The following TEC variants were observed in gnomAD, a reference collection of about 807,000 sequenced individuals.
TEC encodes the protein tec protein tyrosine kinase.
A neutral mutation model predicts 93.0 loss-of-function variants in TEC; 72 were observed. That is an observed-to-expected ratio of 0.77 (90% CI 0.64 to 0.94). TEC has a LOEUF of 0.94. Among genes scored for constraint, TEC ranks in the 40% least tolerant of loss-of-function variants. TEC has a pLI of 0.00. For synonymous variants in TEC, 249 were observed against 247.7 expected (o/e 1.01, Z -0.05); for missense variants, 630 against 757.9 (o/e 0.83, Z 1.98).
At chr4:48,152,085 A>C (rs184515764) in intron 9 of TEC, among the ~76,000 whole-genome samples, 210 of 152,310 alleles carry the variant, frequency 1.4e-3, no homozygotes, top group African/African-American at 4.7e-3. Flanking sequence ...GGCTCCACAA[A>C]AATATCTGGT....
chr4:48,138,168 C>A (rs1577689666), intron 17 of TEC, among the ~76,000 whole-genome samples: 1 of 152,202 alleles, frequency 6.6e-6, no homozygotes, highest in South Asian at 2.1e-4. Flanking sequence ...AGAACTAAAT[C>A]CAAAACACTA....
At chr4:48,182,046 G>GC (rs1383727673) in intron 2 of TEC, among the ~76,000 whole-genome samples, 1 of 152,054 alleles carries the variant, frequency 6.6e-6, no homozygotes, top group African/African-American at 2.4e-5. Context: ...ACTTTAGGAG[G>GC]CCAAGGCAGG....
intron 1 of TEC, among the ~76,000 whole-genome samples, chr4:48,246,124 T>C (rs1396622085): frequency 6.6e-6 from 1 of 152,046 alleles, no homozygotes; most frequent in Non-Finnish European, 1.5e-5. Flanking sequence ...CAAGAAAAAT[T>C]ATTTTTACGG....
At chr4:48,220,461 C>A (rs1003591871) in intron 2 of TEC, among the ~76,000 whole-genome samples, 5 of 151,926 alleles carry the variant, frequency 3.3e-5, no homozygotes, top group Non-Finnish European at 7.4e-5. Flanking sequence ...ACTCTGAGTT[C>A]ATGTGAGATC....
intron 9 of TEC, among the ~76,000 whole-genome samples, chr4:48,155,609 C>G (rs747539396): frequency 3.9e-5 from 6 of 152,162 alleles, no homozygotes; most frequent in East Asian, 1.9e-4. Flanking sequence ...CTAATAGAGA[C>G]AGCAGTATCT....
At chr4:48,172,013 A>G (rs1721133538) in intron 3 of TEC, among the ~76,000 whole-genome samples, 3 of 152,226 alleles carry the variant, frequency 2.0e-5, no homozygotes, top group African/African-American at 7.2e-5. Flanking sequence ...CCACTCATGC[A>G]CCATGCACTG....
intron 1 of TEC, among the ~76,000 whole-genome samples, chr4:48,261,568 T>C (rs1167340118): frequency 6.6e-6 from 1 of 152,132 alleles, no homozygotes; most frequent in Non-Finnish European, 1.5e-5. Flanking sequence ...AAGGAAATAG[T>C]AACAAAAGAT....
intron 1 of TEC, among the ~76,000 whole-genome samples, chr4:48,238,495 C>T (rs1723842270): frequency 6.6e-6 from 1 of 152,078 alleles, no homozygotes; most frequent in Non-Finnish European, 1.5e-5. Context: ...GAAAGGCCGG[C>T]TGATTTCTCA....
At chr4:48,179,836 A>C (rs1577727452) in intron 2 of TEC, among the ~76,000 whole-genome samples, 1 of 152,278 alleles carries the variant, frequency 6.6e-6, no homozygotes, top group Non-Finnish European at 1.5e-5. Context: ...GGGAATAATA[A>C]TAGTATCTAT....
At chr4:48,230,019 G>A (rs1723599371) in intron 1 of TEC, among the ~76,000 whole-genome samples, 12 of 151,768 alleles carry the variant, frequency 7.9e-5, no homozygotes, top group Admixed American at 6.6e-4. Flanking sequence ...AAGTTTCAGT[G>A]AGCCGAGATC....
chr4:48,214,349 A>G (rs577183334), intron 2 of TEC, among the ~76,000 whole-genome samples: 1 of 152,348 alleles, frequency 6.6e-6, no homozygotes, highest in African/African-American at 2.4e-5. Flanking sequence ...AGACTTGAGT[A>G]AATAGACAGG....
At chr4:48,255,544 C>G (rs555493901) in intron 1 of TEC, among the ~76,000 whole-genome samples, 2 of 152,166 alleles carry the variant, frequency 1.3e-5, no homozygotes, top group Admixed American at 6.5e-5. Context: ...CACTACAGCA[C>G]AGTCACTTGT....
chr4:48,255,894 A>AGAG (rs1724327629), intron 1 of TEC, among the ~76,000 whole-genome samples: 1 of 152,234 alleles, frequency 6.6e-6, no homozygotes, highest in Non-Finnish European at 1.5e-5. Context: ...TCCATGAAAG[A>AGAG]GAGGGCAAGG....
At chr4:48,220,762 C>T (rs770055549) in intron 2 of TEC, among the ~76,000 whole-genome samples, 1 of 152,172 alleles carries the variant, frequency 6.6e-6, no homozygotes, top group African/African-American at 2.4e-5. Context: ...ACTTCTGACA[C>T]CAAATATGTG....
intron 1 of TEC, among the ~76,000 whole-genome samples, chr4:48,254,172 T>TATCTA (rs1215859273): frequency 1.3e-5 from 2 of 152,216 alleles, no homozygotes; most frequent in African/African-American, 4.8e-5. Flanking sequence ...AAGTTGGTTG[T>TATCTA]ATCTATGAAT....
At chr4:48,142,446 C>G (rs1194160978) in intron 14 of TEC, among the ~76,000 whole-genome samples, 1 of 152,100 alleles carries the variant, frequency 6.6e-6, no homozygotes, top group Non-Finnish European at 1.5e-5. Flanking sequence ...GCACTCCAGC[C>G]TGGGTGACAG....
intron 2 of TEC, among the ~76,000 whole-genome samples, chr4:48,213,501 TCAG>T (rs1722977069): frequency 6.6e-6 from 1 of 152,152 alleles, no homozygotes; most frequent in Admixed American, 6.5e-5. Context: ...GGTAATAACA[TCAG>T]AAGTCCTCCT....
At chr4:48,169,586 T>C (rs1721017074) in intron 5 of TEC, among the ~76,000 whole-genome samples, 1 of 152,088 alleles carries the variant, frequency 6.6e-6, no homozygotes, top group African/African-American at 2.4e-5. Context: ...AGAAGCTCTG[T>C]CAGTTCTGAT....
intron 1 of TEC, among the ~76,000 whole-genome samples, chr4:48,247,701 C>T (rs1724097129): frequency 1.3e-5 from 2 of 152,142 alleles, no homozygotes; most frequent in Admixed American, 6.5e-5. Context: ...TAAATCCACA[C>T]AGGCTGAAAG....
Sources: gnomAD v4.1 joint callset for allele counts (sites outside exome capture counted in the v4.1 genomes callset) on GRCh38, gnomAD v4.1.1 for gene constraint, MANE v1.5 for transcripts, NCBI Gene and HGNC (gene_info 2026-07-23, HGNC 2026-07-21) for gene names.